Variants in P4HA2 observed in about 807,000 individuals in gnomAD.
P4HA2 encodes prolyl 4-hydroxylase subunit alpha-2.
P4HA2 carries 46 observed loss-of-function variants against 76.9 expected under a neutral mutation model. The observed-to-expected ratio is 0.60, with a 90% confidence interval of 0.47 to 0.76. The LOEUF is 0.76. P4HA2 is among the 30% of genes least tolerant of loss of function. P4HA2 has a pLI of 0.00. For synonymous variants in P4HA2, 243 were observed against 254.0 expected (o/e 0.96, Z 0.41); for missense variants, 583 against 669.4 (o/e 0.87, Z 1.42).
intron 14 of P4HA2, 35 bp downstream of exon 14, chr5:132,194,891 C>T (rs1053114788): frequency 1.4e-6 from 2 of 1,428,814 alleles, no homozygotes; most frequent in Non-Finnish European, 2.0e-6. Context: ...CAAGCTGAGG[C>T]CACCAACACC....
chr5:132,203,693 AT>A, intron 10 of P4HA2, 54 bp downstream of exon 10: 1 of 1,133,454 alleles, frequency 8.8e-7, no homozygotes, highest in Non-Finnish European at 1.3e-6. Context: ...CTGTGAGACC[AT>A]CTAGCCACAA....
chr5:132,207,590 C>T, intron 8 of P4HA2, 118 bp downstream of exon 8: 2 of 774,242 alleles, frequency 2.6e-6, no homozygotes, highest in Admixed American at 2.2e-5. Context: ...ACGGTAGGCC[C>T]ATGCTAGATA....
At chr5:132,210,177 A>T (rs767257294) in intron 6 of P4HA2, 107 bp downstream of exon 6, 37 of 1,284,074 alleles carry the variant, frequency 2.9e-5, no homozygotes, top group Non-Finnish European at 4.0e-5. Flanking sequence ...GCCAAGTGAC[A>T]GGGTAAACTG....
At chr5:132,195,929 C>T (rs916715829) in intron 12 of P4HA2, among the ~76,000 whole-genome samples, 3 of 152,202 alleles carry the variant, frequency 2.0e-5, no homozygotes, top group African/African-American at 7.2e-5. Flanking sequence ...TAGTAGTTTG[C>T]TGCTCTAGTC....
At position 132,203,829 on chromosome 5, in the gene P4HA2, A is replaced by G. The variant is rs1329244259; in HGVS notation, c.1170T>C (p.Asp390=). 6.2e-7 allele frequency: 1 copy of G among 1,613,578 alleles called. No homozygotes were observed. The highest frequency in any genetic ancestry group is 8.5e-7 in the Non-Finnish European group (1 of 1,179,498). ...TTACTCGGGCCACAACAGGGTCATC[A>G]TCTTCCTCTAGCCAGGAGCTGGGCA... The part of the protein sequence containing the change: ...RVSKSSWLEE[D]DDPVVARVNR... Residue 390 remains aspartate, a synonymous_variant, in exon 10 of 15, where the codon GAT becomes GAC. Coordinates refer to ENST00000360568, the MANE Select transcript of P4HA2 (RefSeq NM_001017974.2).
intron 1 of P4HA2, chr5:132,222,191 T>C (rs1245829345): frequency 6.6e-6 from 1 of 152,354 alleles, no homozygotes; most frequent in African/African-American, 2.4e-5. Context: ...AGAACCTGCC[T>C]GCCTTCTGTG....
chr5:132,195,720 A>G (rs1750534887), intron 12 of P4HA2: 1 of 569,112 alleles, frequency 1.8e-6, no homozygotes, highest in Non-Finnish European at 3.2e-6. Flanking sequence ...CCCACAGGAG[A>G]CCCACATCCG....
rs991307557 is a variant in P4HA2, at chr5:132,211,908, A to G, written c.470-1385T>C. On this transcript the variant is annotated intron_variant, in intron 5 of 14. Transcript: ENST00000360568. ...AAGATGACATATGAAGATGTCTCCT[A>G]TGCTCCCCAGGATGCTAATGACCAG... is the stretch of plus-strand genomic sequence containing the variant. Among the ~76,000 whole-genome samples, 6 of 152,214 alleles carry G rather than the reference A, an allele frequency of 3.9e-5. No homozygotes were observed. The East Asian group carries it at 5.8e-4, about 15-fold the overall frequency.
At position 132,207,832 on chromosome 5, in the gene P4HA2, G is replaced by A; in HGVS notation, c.956C>T (p.Ala319Val). ...GAAGGGGGCAATGAGCAGCTGTGGGGCCCTGTTGCCATGGTGGTACCTACA... is the reference window on the plus strand; with the variant it reads ...GAAGGGGGCAATGAGCAGCTGTGGGACCCTGTTGCCATGGTGGTACCTACA... Reference protein sequence around the residue: ...LFCRYHHGNRAPQLLIAPFKE... With the variant: ...LFCRYHHGNRVPQLLIAPFKE... Residue 319 changes from alanine to valine, a missense_variant, in exon 8 of 15, where the codon GCC (alanine) becomes GTC (valine). Ala to Val is a moderately conservative substitution (Grantham distance 64). Coordinates refer to ENST00000360568, the MANE Select transcript of P4HA2 (RefSeq NM_001017974.2). The A allele has an allele frequency of 1.2e-6, 2 of 1,607,698 alleles. No individual in the cohort carries two copies. The highest frequency in any genetic ancestry group is 1.7e-6 in the Non-Finnish European group (2 of 1,177,066).
chr5:132,217,390 C>T, intron 3 of P4HA2, 42 bp from the exon 4 acceptor site: 1 of 1,606,362 alleles, frequency 6.2e-7, no homozygotes, highest in South Asian at 1.1e-5. Flanking sequence ...CGTCCACCCA[C>T]ATAGGTCTTG....
intron 1 of P4HA2, among the ~76,000 whole-genome samples, chr5:132,224,447 A>G (rs994719102): frequency 1.3e-5 from 2 of 152,262 alleles, no homozygotes; most frequent in African/African-American, 2.4e-5. Context: ...CCAGAGAAAC[A>G]TCAGTGGACC....
In P4HA2 at chr5:132,213,953, C is replaced by T. The variant is rs1045977253; in HGVS notation, c.432G>A (p.Arg144=). 6 of 1,614,074 alleles carry T rather than the reference C, an allele frequency of 3.7e-6. No individual in the cohort carries two copies. The African/African-American group carries it at 5.3e-5, about 14-fold the overall frequency. Residue 144 remains arginine, a synonymous_variant, in exon 5 of 15, where the codon AGG becomes AGA. Transcript: ENST00000360568. ...CTCTGGAAATTGTGCCTGGGTCCAG[C>T]CTGTATGTGTCCTGAAGTCTCATCA... The part of the protein sequence containing the change: ...KALMRLQDTY[R]LDPGTISRGE...
chr5:132,221,798 C>T lies in P4HA2; in HGVS notation c.-18-3154G>A, dbSNP rs73261869. Among the ~76,000 whole-genome samples the T allele has an allele frequency of 3.0e-3, 454 of 152,288 alleles. 4 individuals are homozygous for T. The highest frequency in any genetic ancestry group is 0.01 in the African/African-American group (434 of 41,562). On this transcript the variant is annotated intron_variant, in intron 1 of 14. Transcript: ENST00000360568. ...AGGCCCTTCTCAAACAGACTCCAAA[C>T]GGGCCCTGCCAGCCCTAGTGTTTGG...
intron 12 of P4HA2, 58 bp from the exon 13 acceptor site, chr5:132,195,538 G>T: frequency 7.7e-7 from 1 of 1,293,654 alleles, no homozygotes. Flanking sequence ...GAGCAATTGA[G>T]CCACAAAGGA....
At chr5:132,224,715 C>CGG (rs35313991) in intron 1 of P4HA2, among the ~76,000 whole-genome samples, 1 of 151,890 alleles carries the variant, frequency 6.6e-6, no homozygotes, top group African/African-American at 2.4e-5. Context: ...TAGCAAAAGG[C>CGG]GGGGGATTGG....
At chr5:132,216,231 G>C (rs1447260033) in intron 4 of P4HA2, among the ~76,000 whole-genome samples, 1 of 149,314 alleles carries the variant, frequency 6.7e-6, no homozygotes, top group East Asian at 2.0e-4. Context: ...GGAGTTAGGA[G>C]AGCCCACCTC....
chr5:132,220,616 C>T (rs7733814), intron 1 of P4HA2, among the ~76,000 whole-genome samples: 14,410 of 152,270 alleles, frequency 0.095, 890 homozygotes, highest in East Asian at 0.21. Flanking sequence ...CTATCATCTA[C>T]GGTTCATACC....
intron 2 of P4HA2, chr5:132,218,057 C>A: frequency 2.0e-6 from 1 of 503,980 alleles, no homozygotes; most frequent in South Asian, 2.9e-5. Context: ...GGCAGAGGCA[C>A]CAAGGGGATG....
chr5:132,225,080 A>ATC (rs1755188451), intron 1 of P4HA2, among the ~76,000 whole-genome samples: 1 of 147,108 alleles, frequency 6.8e-6, no homozygotes, highest in East Asian at 2.0e-4. Flanking sequence ...CTGTCTTTCT[A>ATC]TCTCTCATTC....
Sources: allele counts gnomAD v4.1 joint callset (sites outside exome capture counted in the v4.1 genomes callset), GRCh38; gene constraint gnomAD v4.1.1; transcripts MANE v1.5; gene names NCBI Gene and HGNC (gene_info 2026-07-23, HGNC 2026-07-21).